PDE8B: variants seen among roughly 807,000 people sequenced by gnomAD.
PDE8B encodes the protein phosphodiesterase 8B.
Under a neutral mutation model 101.3 loss-of-function variants are expected in PDE8B, and 26 were observed. The ratio of observed to expected loss-of-function variants is 0.26; its 90% CI spans 0.19 to 0.36. The LOEUF is 0.36. Among genes scored for constraint, PDE8B ranks in the 10% least tolerant of loss-of-function variants. The probability of loss-of-function intolerance (pLI) is 1.00; values close to 1 mark genes in which losing one functional copy is unlikely to be tolerated. For synonymous variants in PDE8B, 424 were observed against 429.3 expected (o/e 0.99, Z 0.15); for missense variants, 810 against 1,163.1 (o/e 0.70, Z 4.42).
At chr5:77,398,497 T>C (rs987936195) in intron 10 of PDE8B, among the ~76,000 whole-genome samples, 1 of 151,982 alleles carries the variant, frequency 6.6e-6, no homozygotes, top group Admixed American at 6.6e-5. Flanking sequence ...TAATATTATA[T>C]TTTTAGTAGA....
At chr5:77,118,053 G>A in the PDE8B span, among the ~76,000 whole-genome samples, 1 of 152,028 alleles carries the variant, frequency 6.6e-6, no homozygotes, top group Non-Finnish European at 1.5e-5. Flanking sequence ...TTCTGCCACA[G>A]CCTCCTGAGT....
At chr5:77,168,336 G>C in the PDE8B span, among the ~76,000 whole-genome samples, 1 of 152,228 alleles carries the variant, frequency 6.6e-6, no homozygotes, top group Non-Finnish European at 1.5e-5. Context: ...ACGGGGGCTG[G>C]AGGGAGGCCA....
chr5:77,096,164 A>G, the PDE8B span, among the ~76,000 whole-genome samples: 1 of 152,004 alleles, frequency 6.6e-6, no homozygotes, highest in Non-Finnish European at 1.5e-5. Flanking sequence ...GAATTTTTGT[A>G]TTTTTATTAG....
intron 10 of PDE8B, among the ~76,000 whole-genome samples, chr5:77,369,682 G>A (rs537483862): frequency 2.1e-4 from 32 of 152,162 alleles, no homozygotes; most frequent in Non-Finnish European, 4.6e-4. Flanking sequence ...GATACTCAGA[G>A]AGCAGTTACA....
the PDE8B span, among the ~76,000 whole-genome samples, chr5:77,124,296 T>G: frequency 6.6e-6 from 1 of 151,998 alleles, no homozygotes; most frequent in African/African-American, 2.4e-5. Context: ...ATATAGCTAT[T>G]GGAAATATGT....
At chr5:77,418,080 C>A (rs1465820316) in intron 17 of PDE8B, 149 bp from the exon 18 acceptor site, 3 of 697,178 alleles carry the variant, frequency 4.3e-6, no homozygotes, top group Non-Finnish European at 7.8e-6. Context: ...TCCGAGGCCG[C>A]CTCTCCACAT....
chr5:77,156,790 G>A, the PDE8B span, among the ~76,000 whole-genome samples: 1 of 152,130 alleles, frequency 6.6e-6, no homozygotes, highest in Non-Finnish European at 1.5e-5. Flanking sequence ...GGTAGTTGGG[G>A]GAGGCAGGAA....
chr5:77,299,894 G>A (rs1769525984), intron 1 of PDE8B, among the ~76,000 whole-genome samples: 1 of 152,178 alleles, frequency 6.6e-6, no homozygotes, highest in African/African-American at 2.4e-5. Context: ...CACCAACAGT[G>A]TAAAAGTGGA....
At chr5:77,390,616 T>G (rs183535657) in intron 10 of PDE8B, among the ~76,000 whole-genome samples, 1 of 152,314 alleles carries the variant, frequency 6.6e-6, no homozygotes, top group East Asian at 1.9e-4. Flanking sequence ...CCCTTTGCTT[T>G]GAGTTAGTTT....
chr5:77,287,629 ATTC>A (rs1453231668), intron 1 of PDE8B, among the ~76,000 whole-genome samples: 2 of 151,952 alleles, frequency 1.3e-5, no homozygotes, highest in Non-Finnish European at 2.9e-5. Context: ...TGCCTCTCAC[ATTC>A]TTCTTATATT....
intron 1 of PDE8B, among the ~76,000 whole-genome samples, chr5:77,280,890 C>G (rs966498045): frequency 6.6e-6 from 1 of 150,866 alleles, no homozygotes; most frequent in African/African-American, 2.4e-5. Context: ...GAGAGAGACT[C>G]TGTCTCAAAA....
intron 1 of PDE8B, among the ~76,000 whole-genome samples, chr5:77,302,465 C>G (rs540308074): frequency 3.6e-4 from 55 of 152,270 alleles, no homozygotes; most frequent in African/African-American, 1.3e-3. Context: ...GGTACTGCCT[C>G]CTTCTTTGCA....
At chr5:77,401,466 C>G (rs569202005) in intron 11 of PDE8B, among the ~76,000 whole-genome samples, 1 of 152,328 alleles carries the variant, frequency 6.6e-6, no homozygotes, top group South Asian at 2.1e-4. Flanking sequence ...ACCATTCCAT[C>G]TTGGAAGTAC....
chr5:77,291,241 C>A (rs772332307), intron 1 of PDE8B: 1 of 1,611,814 alleles, frequency 6.2e-7, no homozygotes, highest in African/African-American at 1.3e-5. Context: ...CTTAAAAAGG[C>A]CTACGCACAG....
chr5:77,239,489 A>G (rs554784326), intron 1 of PDE8B, among the ~76,000 whole-genome samples: 1 of 152,288 alleles, frequency 6.6e-6, no homozygotes, highest in African/African-American at 2.4e-5. Flanking sequence ...CCTTGTTTGC[A>G]ATCTCTTGGT....
chr5:77,353,480 A>G, intron 10 of PDE8B, 74 bp downstream of exon 10: 1 of 858,366 alleles, frequency 1.2e-6, no homozygotes, highest in Non-Finnish European at 2.0e-6. Context: ...TTATCTCACC[A>G]CTGTTCTCTG....
chr5:77,256,360 G>C (rs977380866), intron 1 of PDE8B, among the ~76,000 whole-genome samples: 2 of 152,156 alleles, frequency 1.3e-5, no homozygotes, highest in Non-Finnish European at 2.9e-5. Flanking sequence ...CCATGTGGGG[G>C]ATTTGAGGGT....
intron 20 of PDE8B, among the ~76,000 whole-genome samples, chr5:77,422,588 G>T (rs1228498474): frequency 6.6e-6 from 1 of 152,004 alleles, no homozygotes; most frequent in African/African-American, 2.4e-5. Flanking sequence ...TTTATAAAAA[G>T]GGAAGAGCAA....
chr5:77,131,790 T>C, the PDE8B span, among the ~76,000 whole-genome samples: 2 of 152,266 alleles, frequency 1.3e-5, no homozygotes, highest in Admixed American at 6.5e-5. Context: ...TTTTTTTGGG[T>C]ATAATTTACA....
Sources: allele counts gnomAD v4.1 joint callset (sites outside exome capture counted in the v4.1 genomes callset), GRCh38; gene constraint gnomAD v4.1.1; transcripts MANE v1.5; gene names NCBI Gene and HGNC (gene_info 2026-07-23, HGNC 2026-07-21).